Variants in NXN observed in about 807,000 individuals in gnomAD.
NXN encodes the protein nucleoredoxin 1.
A neutral mutation model predicts 48.6 loss-of-function variants in NXN; 16 were observed. The observed-to-expected ratio is 0.33, with a 90% CI of 0.22 to 0.50. The LOEUF is 0.50. Ranked by LOEUF, NXN falls within the 20% of genes least tolerant of loss-of-function variation. The probability of loss-of-function intolerance (pLI) is 0.98; values close to 1 mark genes in which losing one functional copy is unlikely to be tolerated. For missense variants in NXN, 492 were observed against 605.5 expected (o/e 0.81, Z 1.97); for synonymous variants, 281 against 269.6 (o/e 1.04, Z -0.41).
chr17:828,710 T>TA (rs1326700364), intron 1 of NXN, among the ~76,000 whole-genome samples: 1 of 152,146 alleles, frequency 6.6e-6, no homozygotes, highest in Non-Finnish European at 1.5e-5. Context: ...CCCCAGTTTT[T>TA]AAATTCCACG....
intron 1 of NXN, among the ~76,000 whole-genome samples, chr17:935,814 C>G (rs1021387555): frequency 1.3e-5 from 2 of 152,060 alleles, no homozygotes; most frequent in African/African-American, 4.8e-5. Flanking sequence ...CAGCCTAGGC[C>G]GGGCGCAGTG....
At chr17:967,309 G>T (rs924454342) in intron 1 of NXN, among the ~76,000 whole-genome samples, 2 of 152,322 alleles carry the variant, frequency 1.3e-5, no homozygotes, top group African/African-American at 4.8e-5. Context: ...CAGAACTGCC[G>T]ATGGTCCTCA....
intron 1 of NXN, among the ~76,000 whole-genome samples, chr17:836,206 T>C (rs990789159): frequency 1.3e-5 from 2 of 152,190 alleles, no homozygotes; most frequent in African/African-American, 4.8e-5. Flanking sequence ...AAGTCCCAGT[T>C]CCCGAGAGCA....
At chr17:948,195 T>G (rs2069067473) in intron 1 of NXN, among the ~76,000 whole-genome samples, 1 of 152,200 alleles carries the variant, frequency 6.6e-6, no homozygotes, top group African/African-American at 2.4e-5. Flanking sequence ...TACATTGTAT[T>G]AGGAATTATA....
intron 1 of NXN, among the ~76,000 whole-genome samples, chr17:856,682 G>T (rs868556346): frequency 1.3e-5 from 2 of 151,902 alleles, no homozygotes; most frequent in African/African-American, 4.8e-5. Flanking sequence ...TAGAGACGGG[G>T]TTTCTCCATG....
At chr17:896,931 T>C (rs1398040534) in intron 1 of NXN, 2 of 1,251,936 alleles carry the variant, frequency 1.6e-6, no homozygotes, top group Non-Finnish European at 2.1e-6. Context: ...TCTTCTTTTT[T>C]TCCCAAGCCA....
chr17:869,042 G>A (rs2068124220), intron 1 of NXN, among the ~76,000 whole-genome samples: 1 of 152,172 alleles, frequency 6.6e-6, no homozygotes, highest in Admixed American at 6.5e-5. Context: ...GACGCCAGGT[G>A]GTGGCTGGGG....
intron 5 of NXN, among the ~76,000 whole-genome samples, chr17:810,192 C>A (rs1911885148): frequency 1.1e-5 from 1 of 92,384 alleles, no homozygotes; most frequent in Non-Finnish European, 2.1e-5. Context: ...GTGCATGTTA[C>A]GAGTCTGTGA....
At chr17:873,476 G>GACAGAGAC (rs1477091333) in intron 1 of NXN, among the ~76,000 whole-genome samples, 3 of 127,902 alleles carry the variant, frequency 2.3e-5, no homozygotes, top group Non-Finnish European at 4.8e-5. Flanking sequence ...CAACCTGGGA[G>GACAGAGAC]ACAGAGACAC....
At chr17:961,121 C>T (rs2069231773) in intron 1 of NXN, among the ~76,000 whole-genome samples, 1 of 152,064 alleles carries the variant, frequency 6.6e-6, no homozygotes, top group Admixed American at 6.5e-5. Flanking sequence ...AGGCTGGGCA[C>T]AGTGGCTCAT....
chr17:834,392 T>C (rs1309954170), intron 1 of NXN, among the ~76,000 whole-genome samples: 2 of 152,182 alleles, frequency 1.3e-5, no homozygotes, highest in East Asian at 3.9e-4. Flanking sequence ...GTGTTTGCTC[T>C]GTCTAGAGAT....
intron 1 of NXN, among the ~76,000 whole-genome samples, chr17:869,136 CCAGA>C (rs1389690065): frequency 1.3e-5 from 2 of 152,164 alleles, no homozygotes; most frequent in South Asian, 2.1e-4. Context: ...ACCCCACTGA[CCAGA>C]CAGTTCCTTC....
chr17:920,841 A>G lies in NXN; in HGVS notation c.360+58478T>C, dbSNP rs1410115592. On this transcript the variant is annotated intron_variant, in intron 1 of 7. Transcript: ENST00000336868. This position sits in a 1 kb window ranked among gnomAD's most constrained non-coding sequence, Gnocchi z 4.6. The stretch of plus-strand genomic sequence containing the variant: ...GGGTTCAAGCGATTCTCTTGCCTCA[A>G]CCTCCCGAGTAGTTGGGATTACAGG... Among the ~76,000 whole-genome samples, 3 of 150,136 alleles carry G rather than the reference A, an allele frequency of 2.0e-5. No individual in the cohort carries two copies. The highest frequency in any genetic ancestry group is 6.6e-5 in the Admixed American group (1 of 15,058).
chr17:969,037 A>C (rs1020464404), intron 1 of NXN, among the ~76,000 whole-genome samples: 38 of 152,188 alleles, frequency 2.5e-4, no homozygotes, highest in Non-Finnish European at 2.9e-5. Flanking sequence ...ATACAAATAA[A>C]TAACTAGGTG....
chr17:959,570 G>T (rs1278398169), intron 1 of NXN, among the ~76,000 whole-genome samples: 1 of 152,138 alleles, frequency 6.6e-6, no homozygotes, highest in Non-Finnish European at 1.5e-5. Flanking sequence ...GCTGAGGCGG[G>T]CAGATTACTT....
chr17:818,829 G>A lies in NXN; in HGVS notation c.820+610C>T, dbSNP rs1015851171. Among the ~76,000 whole-genome samples the A allele has an allele frequency of 2.9e-4, 43 of 150,656 alleles. 1 individual carries two copies. The highest frequency in any genetic ancestry group is 1.1e-3 in the African/African-American group (43 of 40,316). On this transcript the variant is annotated intron_variant, in intron 5 of 7. Coordinates refer to ENST00000336868, the MANE Select transcript of NXN (RefSeq NM_022463.5). ...GAACCCGGGAGGCGGAGCTTGCAGT[G>A]AGCGGAGATCGCACCACTGCACTCC...
rs560728478 is a variant in NXN, at chr17:912,099, G to A, written c.360+67220C>T. Among the ~76,000 whole-genome samples, 9 of 151,992 alleles carry A rather than the reference G, an allele frequency of 5.9e-5. No individual in the cohort carries two copies. In the South Asian group the frequency reaches 8.3e-4, roughly 14 times the overall value. On this transcript the variant is annotated intron_variant, in intron 1 of 7. Coordinates refer to ENST00000336868, the MANE Select transcript of NXN (RefSeq NM_022463.5). The stretch of plus-strand genomic sequence containing the variant: ...ATTACAGGCGCCCGCTACCACGCAC[G>A]GCTAATTTTTCTATTTTTAGTGGAG...
chr17:858,444 C>A (rs2068008454), intron 1 of NXN, among the ~76,000 whole-genome samples: 1 of 152,094 alleles, frequency 6.6e-6, no homozygotes, highest in African/African-American at 2.4e-5. Context: ...AACAGCCCTA[C>A]AGGCTGGGCG....
At chr17:861,756 G>T (rs550904523) in intron 1 of NXN, among the ~76,000 whole-genome samples, 2 of 150,980 alleles carry the variant, frequency 1.3e-5, no homozygotes, top group Admixed American at 6.6e-5. Flanking sequence ...TACAGCAATA[G>T]ATTTTTTTTT....
Sources: gnomAD v4.1 joint callset for allele counts (sites outside exome capture counted in the v4.1 genomes callset) on GRCh38, gnomAD v4.1.1 for gene constraint, Gnocchi (gnomAD v3.1) non-coding constraint, MANE v1.5 for transcripts, NCBI Gene and HGNC (gene_info 2026-07-23, HGNC 2026-07-21) for gene names.